Variants in LRRC4C observed in about 807,000 individuals in gnomAD.
LRRC4C encodes leucine rich repeat containing 4C.
A neutral mutation model predicts 33.6 loss-of-function variants in LRRC4C; 5 were observed. That is an observed-to-expected ratio of 0.15 (90% confidence interval 0.08 to 0.31). The LOEUF (loss-of-function observed/expected upper bound fraction) is 0.31. LRRC4C is among the 10% of genes least tolerant of loss of function. LRRC4C has a pLI of 1.00. For missense variants in LRRC4C, 560 were observed against 796.7 expected, an observed-to-expected ratio of 0.70 and a Z score of 3.58; for synonymous variants, 329 against 302.0, an observed-to-expected ratio of 1.09 and a Z score of -0.93.
At chr11:40,327,953 T>G (rs928028483) in intron 3 of LRRC4C, among the ~76,000 whole-genome samples, 1 of 152,156 alleles carries the variant, frequency 6.6e-6, no homozygotes, top group Non-Finnish European at 1.5e-5. Context: ...GCTTGAGATT[T>G]TTTTAAAGAA....
At chr11:41,379,687 G>T (rs1294733656) in intron 1 of LRRC4C, among the ~76,000 whole-genome samples, 1 of 151,762 alleles carries the variant, frequency 6.6e-6, no homozygotes, top group Admixed American at 6.6e-5. Context: ...TTTTCTTTTG[G>T]ATTTGTTTCT....
chr11:40,700,702 A>T (rs1474723922), intron 2 of LRRC4C, among the ~76,000 whole-genome samples: 1 of 152,158 alleles, frequency 6.6e-6, no homozygotes, highest in African/African-American at 2.4e-5. Context: ...GCTCACCATT[A>T]CACCATGGAA....
chr11:40,131,099 A>C (rs1856617020), intron 6 of LRRC4C, among the ~76,000 whole-genome samples: 1 of 152,218 alleles, frequency 6.6e-6, no homozygotes, highest in Admixed American at 6.5e-5. Flanking sequence ...AAACTGGTTG[A>C]TATTTAGGCA....
At chr11:40,832,447 T>C (rs1952461220) in intron 2 of LRRC4C, among the ~76,000 whole-genome samples, 1 of 152,144 alleles carries the variant, frequency 6.6e-6, no homozygotes, top group Non-Finnish European at 1.5e-5. Context: ...ATATTGGAGA[T>C]ATAACAGTTC....
intron 1 of LRRC4C, among the ~76,000 whole-genome samples, chr11:40,941,248 G>A (rs1958130070): frequency 6.6e-6 from 1 of 152,126 alleles, no homozygotes; most frequent in African/African-American, 2.4e-5. Flanking sequence ...AAACAGGTTT[G>A]TAATGGCTTT....
chr11:40,283,800 G>T (rs1007788071), intron 4 of LRRC4C, among the ~76,000 whole-genome samples: 1 of 137,788 alleles, frequency 7.3e-6, no homozygotes, highest in East Asian at 2.3e-4. Context: ...TGCCTCCTGG[G>T]TTCAAGAGAT....
intron 3 of LRRC4C, among the ~76,000 whole-genome samples, chr11:40,437,771 G>C (rs753844317): frequency 6.6e-6 from 1 of 151,920 alleles, no homozygotes; most frequent in East Asian, 1.9e-4. Flanking sequence ...GCAGTGGCAC[G>C]ATCTCGGCTT....
intron 2 of LRRC4C, among the ~76,000 whole-genome samples, chr11:40,666,012 A>G (rs1943787855): frequency 6.6e-6 from 1 of 152,026 alleles, no homozygotes; most frequent in Admixed American, 6.6e-5. Context: ...GCTTTTTTCT[A>G]TATATAGGTG....
At chr11:40,668,787 C>T (rs567119518) in intron 2 of LRRC4C, among the ~76,000 whole-genome samples, 18 of 152,290 alleles carry the variant, frequency 1.2e-4, no homozygotes, top group African/African-American at 3.8e-4. Flanking sequence ...TTTCCTCCCT[C>T]CATTCACTTC....
intron 2 of LRRC4C, among the ~76,000 whole-genome samples, chr11:40,794,203 G>A (rs928618145): frequency 6.6e-6 from 1 of 152,014 alleles, no homozygotes. Flanking sequence ...TTATGGTTCA[G>A]GAATCTTCTA....
chr11:40,589,806 C>T (rs1958948402), intron 3 of LRRC4C, among the ~76,000 whole-genome samples: 1 of 149,048 alleles, frequency 6.7e-6, no homozygotes, highest in Non-Finnish European at 1.5e-5. Flanking sequence ...AATATTGGCC[C>T]CCACTCTCTT....
chr11:40,963,648 A>G (rs1851123347), intron 1 of LRRC4C, among the ~76,000 whole-genome samples: 2 of 151,696 alleles, frequency 1.3e-5, no homozygotes. Context: ...TTCCTCCTTT[A>G]GCATTGAACT....
intron 1 of LRRC4C, among the ~76,000 whole-genome samples, chr11:41,246,196 A>T (rs1191222779): frequency 6.6e-6 from 1 of 152,054 alleles, no homozygotes; most frequent in Non-Finnish European, 1.5e-5. Flanking sequence ...GTCCCTTGCC[A>T]AGCCGCCCTT....
intron 3 of LRRC4C, among the ~76,000 whole-genome samples, chr11:40,479,608 G>A (rs922950659): frequency 3.9e-5 from 6 of 152,170 alleles, no homozygotes; most frequent in Admixed American, 2.6e-4. Flanking sequence ...TTAAGCTGCC[G>A]AGGGAGGCGG....
At chr11:41,444,129 G>A (rs1484600767) in intron 1 of LRRC4C, among the ~76,000 whole-genome samples, 1 of 152,108 alleles carries the variant, frequency 6.6e-6, no homozygotes, top group Non-Finnish European at 1.5e-5. Context: ...CAAGCCAGTA[G>A]CTATAAAACA....
chr11:41,205,914 C>G (rs953989521), intron 1 of LRRC4C, among the ~76,000 whole-genome samples: 4 of 152,088 alleles, frequency 2.6e-5, no homozygotes, highest in Non-Finnish European at 5.9e-5. Flanking sequence ...ACTGGAAACA[C>G]TAAACCATGC....
chr11:40,312,516 A>G (rs769376875), intron 4 of LRRC4C, among the ~76,000 whole-genome samples: 1 of 152,170 alleles, frequency 6.6e-6, no homozygotes, highest in African/African-American at 2.4e-5. Flanking sequence ...AGTGGTATTG[A>G]TAAGTAGACT....
At chr11:40,127,075 G>A (rs925948543) in intron 6 of LRRC4C, among the ~76,000 whole-genome samples, 3 of 151,848 alleles carry the variant, frequency 2.0e-5, no homozygotes, top group African/African-American at 4.8e-5. Context: ...TTAAGAGATC[G>A]AGACCATCCT....
intron 2 of LRRC4C, among the ~76,000 whole-genome samples, chr11:40,859,492 T>C (rs1953967153): frequency 6.6e-6 from 1 of 152,088 alleles, no homozygotes; most frequent in Non-Finnish European, 1.5e-5. Context: ...TTGAAATATA[T>C]ACTCTTTGTA....
Sources: gnomAD v4.1 joint callset for allele counts (sites outside exome capture counted in the v4.1 genomes callset) on GRCh38, gnomAD v4.1.1 for gene constraint, MANE v1.5 for transcripts, NCBI Gene and HGNC (gene_info 2026-07-23, HGNC 2026-07-21) for gene names.